Variants in NELL1 observed in about 807,000 individuals in gnomAD.
NELL1 encodes neural EGFL like 1.
Under a neutral mutation model 107.4 loss-of-function variants are expected in NELL1, and 76 were observed. That is an observed-to-expected ratio of 0.71 (90% CI 0.59 to 0.86). NELL1 has a LOEUF of 0.86. Ranked by LOEUF, NELL1 falls within the 40% of genes least tolerant of loss-of-function variation. The pLI is 0.00. For synonymous variants in NELL1, 353 were observed against 341.2 expected (o/e 1.03, Z -0.38); for missense variants, 1,024 against 1,005.5 (o/e 1.02, Z -0.25).
intron 15 of NELL1, among the ~76,000 whole-genome samples, chr11:21,444,058 A>G (rs1253743659): frequency 6.6e-6 from 1 of 152,172 alleles, no homozygotes; most frequent in East Asian, 1.9e-4. Flanking sequence ...GTATGTATAC[A>G]AACTCCTCTC....
intron 3 of NELL1, among the ~76,000 whole-genome samples, chr11:20,845,590 A>G (rs1848688930): frequency 6.6e-6 from 1 of 152,204 alleles, no homozygotes; most frequent in Non-Finnish European, 1.5e-5. Context: ...ATTTCTATAC[A>G]GGTGCTAAAT....
chr11:20,919,792 A>T (rs538809356), intron 7 of NELL1, among the ~76,000 whole-genome samples: 1 of 152,154 alleles, frequency 6.6e-6, no homozygotes, highest in East Asian at 1.9e-4. Context: ...TTTAATGTAT[A>T]ATTTATTTCA....
chr11:20,893,317 C>T (rs1300800922), intron 5 of NELL1, among the ~76,000 whole-genome samples: 1 of 149,658 alleles, frequency 6.7e-6, no homozygotes, highest in African/African-American at 2.5e-5. Flanking sequence ...AGCGAACCAC[C>T]ATGACACATG....
chr11:21,050,714 C>CTT (rs1554962691), intron 12 of NELL1, among the ~76,000 whole-genome samples: 6 of 151,760 alleles, frequency 4.0e-5, no homozygotes, highest in Non-Finnish European at 8.8e-5. Flanking sequence ...AGGGTCACCT[C>CTT]AGCCTCCTAA....
intron 13 of NELL1, among the ~76,000 whole-genome samples, chr11:21,200,592 AC>A (rs1266301526): frequency 1.3e-5 from 2 of 152,140 alleles, no homozygotes; most frequent in African/African-American, 4.8e-5. Flanking sequence ...TTGCCTGTTC[AC>A]CCTGATGATA....
chr11:21,174,460 T>C (rs1180535083), intron 13 of NELL1, among the ~76,000 whole-genome samples: 2 of 151,822 alleles, frequency 1.3e-5, no homozygotes, highest in Non-Finnish European at 2.9e-5. Flanking sequence ...ATATATAAAA[T>C]TGAAATAATC....
intron 2 of NELL1, among the ~76,000 whole-genome samples, chr11:20,728,099 G>T (rs1254133465): frequency 6.6e-6 from 1 of 152,090 alleles, no homozygotes; most frequent in Non-Finnish European, 1.5e-5. Flanking sequence ...CCGTTTCTAT[G>T]TATCTTTTCG....
chr11:21,496,993 A>G (rs185283618), intron 15 of NELL1, among the ~76,000 whole-genome samples: 1 of 151,910 alleles, frequency 6.6e-6, no homozygotes, highest in African/African-American at 2.4e-5. Flanking sequence ...TCCATGGTGT[A>G]TATGTGCCAC....
In NELL1 at chr11:21,094,713, G is replaced by A. The variant is rs140116405; in HGVS notation, c.1301-18876G>A. Among the ~76,000 whole-genome samples, 1,250 of 152,252 alleles carry A rather than the reference G, an allele frequency of 8.2e-3. 10 individuals are homozygous for A. Among genetic ancestry groups the A allele is most frequent in the South Asian group, 0.018 (85 of 4,814 alleles). ...GAAACCATGGCCTGAACTCTATGTT[G>A]GCTTCTTTCATCGGTGGCTGAAGAA... is the stretch of plus-strand genomic sequence containing the variant. On this transcript the variant is annotated intron_variant, in intron 12 of 19. Coordinates refer to ENST00000357134, the MANE Select transcript of NELL1 (RefSeq NM_006157.5).
intron 14 of NELL1, among the ~76,000 whole-genome samples, chr11:21,324,722 G>C (rs976307673): frequency 3.3e-5 from 5 of 152,036 alleles, no homozygotes; most frequent in Non-Finnish European, 5.9e-5. Flanking sequence ...AGGTGCTAGA[G>C]AACAGAGATC....
At chr11:21,404,336 A>G (rs917362140) in intron 15 of NELL1, among the ~76,000 whole-genome samples, 2 of 151,950 alleles carry the variant, frequency 1.3e-5, no homozygotes, top group East Asian at 1.9e-4. Context: ...TCCTTCAGTC[A>G]GTTGCTTTTA....
At chr11:21,239,784 T>C (rs2133896324) in intron 14 of NELL1, among the ~76,000 whole-genome samples, 1 of 152,152 alleles carries the variant, frequency 6.6e-6, no homozygotes, top group South Asian at 2.1e-4. Context: ...TGAACCAAGA[T>C]AGATGGTTCT....
At chr11:20,879,881 C>T (rs1184341133) in intron 4 of NELL1, among the ~76,000 whole-genome samples, 1 of 151,892 alleles carries the variant, frequency 6.6e-6, no homozygotes, top group African/African-American at 2.4e-5. Context: ...TTTAAAACAA[C>T]AATAATAAAA....
intron 16 of NELL1, among the ~76,000 whole-genome samples, chr11:21,541,205 C>CAGCT (rs1380001111): frequency 6.6e-5 from 10 of 152,126 alleles, no homozygotes; most frequent in African/African-American, 2.4e-4. Context: ...AGATGACATA[C>CAGCT]AGCTATTCTT....
intron 2 of NELL1, among the ~76,000 whole-genome samples, chr11:20,748,042 G>A (rs537481361): frequency 3.0e-4 from 46 of 152,280 alleles, no homozygotes; most frequent in African/African-American, 1.1e-3. Flanking sequence ...AGAGGGGTGA[G>A]CTTCTACTAA....
intron 15 of NELL1, among the ~76,000 whole-genome samples, chr11:21,385,952 C>A (rs999099614): frequency 6.6e-6 from 1 of 151,812 alleles, no homozygotes; most frequent in Non-Finnish European, 1.5e-5. Context: ...CCCATCTTTT[C>A]CTATTTTCTC....
chr11:21,113,558 A>C (rs1182434805), intron 12 of NELL1, 31 bp from the exon 13 acceptor site: 2 of 1,601,030 alleles, frequency 1.2e-6, no homozygotes, highest in Admixed American at 3.4e-5. Context: ...TATTTTGCTA[A>C]CCATGATCTT....
chr11:21,408,425 A>G (rs1360704854), intron 15 of NELL1, among the ~76,000 whole-genome samples: 2 of 152,066 alleles, frequency 1.3e-5, no homozygotes, highest in Non-Finnish European at 1.5e-5. Flanking sequence ...TACAAAGAAA[A>G]GGAGGCCAAT....
chr11:20,988,467 GTATA>G (rs1274695705), intron 12 of NELL1, among the ~76,000 whole-genome samples: 8 of 149,512 alleles, frequency 5.4e-5, no homozygotes, highest in Admixed American at 1.3e-4. Context: ...ATATATGTGT[GTATA>G]TATATCTATA....
Sources: allele counts gnomAD v4.1 joint callset (sites outside exome capture counted in the v4.1 genomes callset), GRCh38; gene constraint gnomAD v4.1.1; transcripts MANE v1.5; gene names NCBI Gene and HGNC (gene_info 2026-07-23, HGNC 2026-07-21).